Variants in CALN1 observed in about 807,000 individuals in gnomAD.
CALN1 encodes the protein calcium-binding protein 8.
Under a neutral mutation model 30.6 loss-of-function variants are expected in CALN1, and 17 were observed. That is an observed-to-expected ratio of 0.56 (90% CI 0.38 to 0.83). CALN1 has a LOEUF of 0.83. Ranked by LOEUF, CALN1 falls within the 40% of genes least tolerant of loss-of-function variation. The pLI is 0.00. For synonymous variants in CALN1, 156 were observed against 131.4 expected (o/e 1.19, Z -1.28); for missense variants, 291 against 354.9 (o/e 0.82, Z 1.45).
At chr7:72,305,530 C>T (rs1799590479) in intron 2 of CALN1, among the ~76,000 whole-genome samples, 1 of 152,128 alleles carries the variant, frequency 6.6e-6, no homozygotes, top group South Asian at 2.1e-4. Context: ...TGTATCAAAC[C>T]GAGAGCCTTA....
At chr7:71,986,143 G>T (rs780048703) in intron 5 of CALN1, among the ~76,000 whole-genome samples, 1 of 152,034 alleles carries the variant, frequency 6.6e-6, no homozygotes, top group Non-Finnish European at 1.5e-5. Flanking sequence ...CTCCTCCCTG[G>T]TTCAAGCAAT....
At chr7:72,445,658 C>CAG (rs1808504478) in intron 1 of CALN1, among the ~76,000 whole-genome samples, 1 of 152,096 alleles carries the variant, frequency 6.6e-6, no homozygotes. Flanking sequence ...TCTCCTAAAC[C>CAG]AGAGAGTTTC....
chr7:72,274,336 T>C (rs779239779), intron 3 of CALN1, among the ~76,000 whole-genome samples: 10 of 152,006 alleles, frequency 6.6e-5, no homozygotes, highest in Non-Finnish European at 1.3e-4. Flanking sequence ...GGTGAAACCC[T>C]GTCTCTACTG....
At chr7:72,392,014 G>C (rs1219468110) in intron 2 of CALN1, among the ~76,000 whole-genome samples, 1 of 152,198 alleles carries the variant, frequency 6.6e-6, no homozygotes, top group Non-Finnish European at 1.5e-5. Flanking sequence ...TAGCTTACAA[G>C]GTTAAGTCCT....
intron 5 of CALN1, among the ~76,000 whole-genome samples, chr7:71,832,140 C>T (rs1238851749): frequency 6.6e-6 from 1 of 151,690 alleles, no homozygotes; most frequent in East Asian, 1.9e-4. Context: ...AACACCCCTG[C>T]TTTTTTTTGT....
intron 2 of CALN1, among the ~76,000 whole-genome samples, chr7:72,375,798 ACTT>A (rs1325598859): frequency 1.3e-5 from 2 of 152,258 alleles, no homozygotes; most frequent in East Asian, 3.9e-4. Context: ...ATATAATTTT[ACTT>A]CTTTTTAAGT....
Position 72,278,703 on chromosome 7 carries a change from GA to G in CALN1, c.226del (p.Ser76ProfsTer65), listed in dbSNP as rs780004422. 1.2e-6 allele frequency: 2 copies of G among 1,613,732 alleles called. No individual in the cohort carries two copies. Among genetic ancestry groups the G allele is most frequent in the Non-Finnish European group, 1.7e-6 (2 of 1,179,676 alleles). ...CTCCTTACCATCGAGCTCCTCCACG[GA>G]GATATTAGCCAGCTGTTCGCTGTCA... ...GSDSEQLANI[S>X]VEELDEIREA... On this transcript the variant is annotated frameshift_variant, in exon 3 of 7. Transcript: ENST00000395275. LOFTEE classifies it high-confidence loss of function.
chr7:71,824,261 C>T (rs1471274579), intron 5 of CALN1, among the ~76,000 whole-genome samples: 26 of 152,168 alleles, frequency 1.7e-4, no homozygotes, highest in Admixed American at 1.7e-3. Flanking sequence ...ATTTGCTCCA[C>T]AGCCCAGTCT....
chr7:72,381,076 A>T (rs1022846469), intron 2 of CALN1, among the ~76,000 whole-genome samples: 2 of 152,228 alleles, frequency 1.3e-5, no homozygotes, highest in African/African-American at 4.8e-5. Context: ...AAAATAAACC[A>T]AAGTTTTGAT....
At chr7:72,490,958 C>T in the CALN1 span, among the ~76,000 whole-genome samples, 1 of 152,080 alleles carries the variant, frequency 6.6e-6, no homozygotes, top group Non-Finnish European at 1.5e-5. Flanking sequence ...TAAAATGATG[C>T]TCAAGGCCGG....
At chr7:71,831,893 AAAAAC>A (rs1219384944) in intron 5 of CALN1, among the ~76,000 whole-genome samples, 2 of 150,310 alleles carry the variant, frequency 1.3e-5, no homozygotes, top group Middle Eastern at 3.4e-3. Context: ...AAAAAAAAAA[AAAAAC>A]AAACCAAAAA....
chr7:72,215,346 C>T (rs2129548500), intron 3 of CALN1, among the ~76,000 whole-genome samples: 1 of 152,248 alleles, frequency 6.6e-6, no homozygotes, highest in East Asian at 1.9e-4. Flanking sequence ...GTAATCCCAG[C>T]ACTTTGGGAG....
At chr7:72,282,796 G>A (rs985931624) in intron 2 of CALN1, among the ~76,000 whole-genome samples, 4 of 152,192 alleles carry the variant, frequency 2.6e-5, no homozygotes, top group Non-Finnish European at 5.9e-5. Flanking sequence ...GCTCATGCCT[G>A]TAAACCCAGA....
At chr7:71,889,571 T>C (rs916447959) in intron 5 of CALN1, among the ~76,000 whole-genome samples, 3 of 152,066 alleles carry the variant, frequency 2.0e-5, no homozygotes, top group Non-Finnish European at 4.4e-5. Context: ...AATCATGACC[T>C]TGAAGGAGGT....
chr7:72,354,624 A>T (rs1399681023), intron 2 of CALN1, among the ~76,000 whole-genome samples: 2 of 152,220 alleles, frequency 1.3e-5, no homozygotes, highest in African/African-American at 4.8e-5. Context: ...AATGATTAGG[A>T]ATAGACTCAC....
At chr7:72,402,279 C>T (rs1280529666) in intron 2 of CALN1, among the ~76,000 whole-genome samples, 2 of 152,212 alleles carry the variant, frequency 1.3e-5, no homozygotes, top group African/African-American at 4.8e-5. Context: ...GCATCCTGTT[C>T]CTGGGTCCCA....
At chr7:72,238,895 G>A (rs779727733) in intron 3 of CALN1, among the ~76,000 whole-genome samples, 1 of 152,126 alleles carries the variant, frequency 6.6e-6, no homozygotes, top group Non-Finnish European at 1.5e-5. Context: ...CATAGAAAAA[G>A]AAAAGATTGT....
chr7:72,201,504 T>C (rs1368438893), intron 3 of CALN1, among the ~76,000 whole-genome samples: 2 of 149,684 alleles, frequency 1.3e-5, no homozygotes, highest in African/African-American at 5.0e-5. Flanking sequence ...GGCAGGAGGA[T>C]CGCTTGAACC....
intron 5 of CALN1, among the ~76,000 whole-genome samples, chr7:71,984,081 G>C (rs188371397): frequency 6.6e-6 from 1 of 152,088 alleles, no homozygotes; most frequent in Non-Finnish European, 1.5e-5. Context: ...TTAATCAAAA[G>C]AATACTCTCT....
Sources: allele counts gnomAD v4.1 joint callset (sites outside exome capture counted in the v4.1 genomes callset), GRCh38; gene constraint gnomAD v4.1.1; transcripts MANE v1.5; gene names NCBI Gene and HGNC (gene_info 2026-07-23, HGNC 2026-07-21).